The following BLTP3A variants were observed in gnomAD, a reference collection of about 807,000 sequenced individuals.
BLTP3A encodes the protein bridge-like lipid transfer protein family member 3A, also known as ICBP90 binding protein 1.
the BLTP3A span, among the ~76,000 whole-genome samples, chr6:34,804,181 G>A: frequency 6.6e-6 from 1 of 152,246 alleles, no homozygotes; most frequent in East Asian, 1.9e-4. Context: ...AGTAATATTG[G>A]ATACACATCT....
At chr6:34,872,224 C>T in the BLTP3A span, 1 of 1,465,760 alleles carries the variant, frequency 6.8e-7, no homozygotes, top group Non-Finnish European at 9.1e-7. Flanking sequence ...GATTTTTCTC[C>T]TTGAACTCTT....
chr6:34,864,339 C>A, the BLTP3A span: 1 of 916,786 alleles, frequency 1.1e-6, no homozygotes, highest in South Asian at 2.3e-5. Context: ...AAAAGAGAGA[C>A]AGAGAAATTT....
the BLTP3A span, among the ~76,000 whole-genome samples, chr6:34,829,679 G>C: frequency 1.3e-5 from 2 of 151,838 alleles, no homozygotes; most frequent in African/African-American, 2.4e-5. Flanking sequence ...CTGTTGCCCA[G>C]GTTGGAGTGC....
At chr6:34,859,487 T>C in the BLTP3A span, 20 of 1,614,098 alleles carry the variant, frequency 1.2e-5, no homozygotes, top group Non-Finnish European at 1.7e-5. Context: ...AAGGAAGCTG[T>C]GTCCCTGACT....
chr6:34,851,587 C>T, the BLTP3A span, among the ~76,000 whole-genome samples: 1 of 152,200 alleles, frequency 6.6e-6, no homozygotes, highest in Non-Finnish European at 1.5e-5. Flanking sequence ...GAAGCCAGCA[C>T]TGTACTGGGT....
the BLTP3A span, among the ~76,000 whole-genome samples, chr6:34,816,097 A>G: frequency 2.0e-4 from 31 of 152,208 alleles, no homozygotes; most frequent in Non-Finnish European, 3.2e-4. Context: ...AAATACATTT[A>G]TCTATATGGA....
the BLTP3A span, among the ~76,000 whole-genome samples, chr6:34,822,589 T>C: frequency 6.6e-6 from 1 of 151,890 alleles, no homozygotes; most frequent in South Asian, 2.1e-4. Context: ...TTGGGCCGGG[T>C]GCGGTGCTGT....
chr6:34,831,536 T>C, the BLTP3A span, among the ~76,000 whole-genome samples: 1 of 152,198 alleles, frequency 6.6e-6, no homozygotes, highest in Admixed American at 6.5e-5. Context: ...CTTGTTTAAG[T>C]TCCTTTTCTA....
the BLTP3A span, among the ~76,000 whole-genome samples, chr6:34,817,681 G>A: frequency 6.6e-6 from 1 of 152,094 alleles, no homozygotes; most frequent in Non-Finnish European, 1.5e-5. Context: ...CTGAGCTTGG[G>A]GAATCCATTG....
the BLTP3A span, among the ~76,000 whole-genome samples, chr6:34,807,247 G>A: frequency 1.3e-5 from 2 of 152,190 alleles, no homozygotes; most frequent in Admixed American, 1.3e-4. Flanking sequence ...ATGAGGTATA[G>A]TATCTTCAGG....
At chr6:34,871,987 T>C in the BLTP3A span, 5 of 1,534,308 alleles carry the variant, frequency 3.3e-6, no homozygotes, top group Non-Finnish European at 4.5e-6. Flanking sequence ...GTGAAACTGG[T>C]AAAACCCGGG....
the BLTP3A span, among the ~76,000 whole-genome samples, chr6:34,869,273 A>G: frequency 6.6e-6 from 1 of 152,142 alleles, no homozygotes; most frequent in East Asian, 1.9e-4. Flanking sequence ...AAGTGCTGGA[A>G]TTACAGGCCT....
chr6:34,834,592 T>G, the BLTP3A span: 18 of 1,399,226 alleles, frequency 1.3e-5, no homozygotes, highest in Non-Finnish European at 1.7e-5. Context: ...AATTCACTGC[T>G]TTTTCTTGGT....
the BLTP3A span, chr6:34,821,652 G>A: frequency 1.9e-6 from 3 of 1,607,324 alleles, no homozygotes; most frequent in Non-Finnish European, 2.6e-6. Flanking sequence ...ACTCTTTTCA[G>A]GTTCACTAAG....
At chr6:34,858,859 T>C in the BLTP3A span, 1 of 1,614,174 alleles carries the variant, frequency 6.2e-7, no homozygotes, top group Non-Finnish European at 8.5e-7. Context: ...CCACTACCAG[T>C]ACTTGGCTCT....
chr6:34,858,772 C>G, the BLTP3A span: 2 of 1,614,166 alleles, frequency 1.2e-6, no homozygotes, highest in Non-Finnish European at 1.7e-6. Context: ...CAACAAAGGG[C>G]CTCTGACAGA....
the BLTP3A span, chr6:34,856,138 G>A: frequency 2.2e-6 from 3 of 1,392,828 alleles, no homozygotes; most frequent in South Asian, 4.2e-5. Context: ...CACTGTGGGT[G>A]AGGAATCAGA....
At chr6:34,814,121 A>G in the BLTP3A span, among the ~76,000 whole-genome samples, 2 of 152,164 alleles carry the variant, frequency 1.3e-5, no homozygotes, top group African/African-American at 4.8e-5. Flanking sequence ...GGTTCAAGCA[A>G]TTCTTGTGCC....
the BLTP3A span, among the ~76,000 whole-genome samples, chr6:34,810,504 G>A: frequency 6.6e-6 from 1 of 152,226 alleles, no homozygotes. Context: ...AGTTACTTGA[G>A]ACAGGGTCTC....
Sources: gnomAD v4.1 joint callset for allele counts (sites outside exome capture counted in the v4.1 genomes callset) on GRCh38, gnomAD v4.1.1 for gene constraint, MANE v1.5 for transcripts, NCBI Gene and HGNC (gene_info 2026-07-23, HGNC 2026-07-21) for gene names.